The following GRHL1 variants were observed in gnomAD, a reference collection of about 807,000 sequenced individuals.
GRHL1 encodes the protein grainyhead-like protein 1 homolog.
In GRHL1, 38 loss-of-function variants were observed where a neutral mutation model predicts 75.7. The ratio of observed to expected loss-of-function variants is 0.50; its 90% CI spans 0.39 to 0.66. The LOEUF is 0.66. Among genes scored for constraint, GRHL1 ranks in the 30% least tolerant of loss-of-function variants. GRHL1 has a pLI of 0.00. For synonymous variants in GRHL1, 266 were observed against 279.4 expected (o/e 0.95, Z 0.48); for missense variants, 589 against 767.5 (o/e 0.77, Z 2.75).
chr2:9,972,302 C>T (rs1667761500), intron 8 of GRHL1, among the ~76,000 whole-genome samples: 1 of 151,744 alleles, frequency 6.6e-6, no homozygotes, highest in Non-Finnish European at 1.5e-5. Context: ...CACCTTAACC[C>T]TCCTTCTCCT....
At chr2:9,977,345 A>G (rs1667990677) in intron 8 of GRHL1, among the ~76,000 whole-genome samples, 1 of 152,056 alleles carries the variant, frequency 6.6e-6, no homozygotes, top group Non-Finnish European at 1.5e-5. Context: ...TTTTCAGACG[A>G]AGTCTTGCTC....
intron 5 of GRHL1, among the ~76,000 whole-genome samples, chr2:9,962,904 T>C (rs527878618): frequency 1.3e-5 from 2 of 152,110 alleles, no homozygotes; most frequent in Non-Finnish European, 2.9e-5. Flanking sequence ...TAAAAGCTTT[T>C]TTTTTTTAAA....
chr2:9,964,591 T>C, intron 7 of GRHL1: 1 of 391,442 alleles, frequency 2.6e-6, no homozygotes, highest in Non-Finnish European at 4.6e-6. Context: ...AGAAGCCATG[T>C]AGCTGGCTAA....
intron 8 of GRHL1, among the ~76,000 whole-genome samples, chr2:9,973,005 G>T (rs1335376409): frequency 6.6e-6 from 1 of 152,084 alleles, no homozygotes; most frequent in African/African-American, 2.4e-5. Context: ...ACTCGTCTTT[G>T]TTTTTCTTCA....
At chr2:9,981,092 C>T (rs1376153050) in intron 8 of GRHL1, among the ~76,000 whole-genome samples, 1 of 152,184 alleles carries the variant, frequency 6.6e-6, no homozygotes, top group East Asian at 1.9e-4. Flanking sequence ...CCCACTGGAC[C>T]CAAGGGAGAG....
chr2:9,972,871 G>T (rs940985846), intron 8 of GRHL1, among the ~76,000 whole-genome samples: 2 of 151,246 alleles, frequency 1.3e-5, no homozygotes, highest in South Asian at 2.1e-4. Context: ...CTCCAGAGTG[G>T]TTTTTTTTTC....
chr2:9,990,598 G>A lies in GRHL1; in HGVS notation c.1270-98G>A. 2 of 615,542 alleles carry A rather than the reference G, an allele frequency of 3.2e-6. No individual in the cohort carries two copies. The highest frequency in any genetic ancestry group is 2.8e-6 in the Non-Finnish European group (1 of 360,984). 38.1% of individuals were successfully genotyped at this position (615,542 alleles called of 1,614,324 possible). ...AGTAATGGGGTTCCTGTCCAGAGAA[G>A]GGAGAAAGGCTTCTTCTTCCATTGG... On this transcript the variant is annotated intron_variant, in intron 9 of 15. Transcript: ENST00000324907. The surrounding 1 kb of genome is among the most constrained non-coding windows in gnomAD (Gnocchi z 4.2).
At chr2:9,989,050 G>T (rs545315902) in intron 9 of GRHL1, among the ~76,000 whole-genome samples, 66 of 152,226 alleles carry the variant, frequency 4.3e-4, no homozygotes, top group African/African-American at 1.5e-3. Context: ...ATGGCTAGGA[G>T]ATTGGGGATA....
In GRHL1 at chr2:9,972,813, G is replaced by A. The variant is rs115694836; in HGVS notation, c.1110+7432G>A. ...ATGCCAAGTGTCCTTAGGTTCACCA[G>A]CTCCTGCTTACAGGACCGTGACACA... On this transcript the variant is annotated intron_variant, in intron 8 of 15. Coordinates refer to ENST00000324907, the MANE Select transcript of GRHL1 (RefSeq NM_198182.3). Among the ~76,000 whole-genome samples, 826 of 152,330 alleles carry A rather than the reference G, an allele frequency of 5.4e-3. 10 individuals are homozygous for A. Among genetic ancestry groups the A allele is most frequent in the African/African-American group, 0.019 (777 of 41,568 alleles).
At chr2:9,996,893 A>G (rs548061803) in intron 14 of GRHL1, among the ~76,000 whole-genome samples, 29 of 152,328 alleles carry the variant, frequency 1.9e-4, no homozygotes, top group African/African-American at 6.7e-4. Flanking sequence ...GGATCTCAGC[A>G]CGAGGCTGGA....
chr2:9,978,815 G>A (rs563527449), intron 8 of GRHL1, among the ~76,000 whole-genome samples: 4 of 151,998 alleles, frequency 2.6e-5, no homozygotes, highest in South Asian at 2.1e-4. Context: ...ACATGGTGAC[G>A]CCCCGTCTCT....
At chr2:9,969,877 C>T (rs1327472851) in intron 8 of GRHL1, among the ~76,000 whole-genome samples, 1 of 144,964 alleles carries the variant, frequency 6.9e-6, no homozygotes, top group African/African-American at 2.6e-5. Flanking sequence ...GAGTCTCACT[C>T]TTTCGCCCAG....
At chr2:9,964,543 T>C (rs1030671658) in intron 7 of GRHL1, 197 bp downstream of exon 7, 1 of 501,506 alleles carries the variant, frequency 2.0e-6, no homozygotes, top group African/African-American at 1.9e-5. Flanking sequence ...TAATGGGACA[T>C]GTGCCCACGT....
At chr2:9,999,652 A>G (rs1669185299) in intron 15 of GRHL1, among the ~76,000 whole-genome samples, 1 of 152,114 alleles carries the variant, frequency 6.6e-6, no homozygotes, top group Non-Finnish European at 1.5e-5. Flanking sequence ...TCCTATTTCC[A>G]AGTTATGTCA....
intron 8 of GRHL1, among the ~76,000 whole-genome samples, chr2:9,985,525 C>T (rs139793806): frequency 0.012 from 1,831 of 152,214 alleles, 20 homozygotes; most frequent in Non-Finnish European, 0.019. Flanking sequence ...AACACTGGGC[C>T]CAATGTGATT....
rs764701011 is a variant in GRHL1 at position 9,951,791 on chromosome 2, C to T, written c.-43C>T. On this transcript the variant is annotated 5_prime_UTR_variant, in exon 1 of 16. Coordinates refer to ENST00000324907, the MANE Select transcript of GRHL1 (RefSeq NM_198182.3). This position sits in a 1 kb window ranked among gnomAD's most constrained non-coding sequence, Gnocchi z 4.2. Reference sequence around the variant, plus strand: ...CCCGGATCGGGTGTACTGTCCCAACCCGAAAGTCCAGTTCTGCGGCCCGGC... The same window carrying T: ...CCCGGATCGGGTGTACTGTCCCAACTCGAAAGTCCAGTTCTGCGGCCCGGC... 4.7e-5 allele frequency: 72 copies of T among 1,518,874 alleles called. No homozygotes were observed. Among genetic ancestry groups the T allele is most frequent in the Non-Finnish European group, 6.3e-5 (71 of 1,131,164 alleles). The allele number at this position is 1,518,874 out of a possible 1,614,324, so 94.1% of individuals were successfully genotyped here.
At position 9,986,270 on chromosome 2, in the gene GRHL1, C is replaced by G. The variant is rs778186872; in HGVS notation, c.1257C>G (p.Val419=). ...ACCGGGCCTACTGCCAGATCAAGGT[C>G]TTCTGTGACAAGGTAAGATCGGCAG... ...PVHRAYCQIK[V]FCDKGAERKI... The change falls in exon 9 of 16, where the codon GTC becomes GTG. Residue 419 remains valine (V), a synonymous_variant. Transcript: ENST00000324907. 6.2e-7 allele frequency: 1 copy of G among 1,613,114 alleles called. No homozygotes were observed. The highest frequency in any genetic ancestry group is 8.5e-7 in the Non-Finnish European group (1 of 1,179,620).
chr2:9,971,500 A>G (rs916444661), intron 8 of GRHL1, among the ~76,000 whole-genome samples: 6 of 152,262 alleles, frequency 3.9e-5, no homozygotes, highest in Middle Eastern at 3.2e-3. Context: ...TTACGAAGCT[A>G]ACTAGACTGA....
Position 10,000,669 on chromosome 2 carries a change from G to A in GRHL1, c.1819G>A (p.Ala607Thr), listed in dbSNP as rs1558323327. 3 of 1,612,190 alleles carry A rather than the reference G, an allele frequency of 1.9e-6. No homozygotes were observed. The highest frequency in any genetic ancestry group is 2.5e-6 in the Non-Finnish European group (3 of 1,178,312). Residue 607 changes from alanine (A) to threonine (T), a missense_variant, in exon 16 of 16, where the codon GCC becomes ACC. By Grantham distance (58) the Ala-to-Thr change is moderately conservative. This residue lies in a region of GRHL1 where 192 missense variants were observed against 226.6 expected (regional missense o/e 0.85). Coordinates refer to ENST00000324907, the MANE Select transcript of GRHL1 (RefSeq NM_198182.3). ...CACCTTCCAGCTGCAGATTGAAGAA[G>A]CCGGGGGGTCTTACAAGCTCACCCT... ...EDTFQLQIEE[A>T]GGSYKLTLTE...
Sources: allele counts gnomAD v4.1 joint callset (sites outside exome capture counted in the v4.1 genomes callset), GRCh38; gene constraint gnomAD v4.1.1; regional missense constraint gnomAD v4.1.1; non-coding constraint Gnocchi (gnomAD v3.1); transcripts MANE v1.5; gene names NCBI Gene and HGNC (gene_info 2026-07-23, HGNC 2026-07-21).